CTNNA3: variants seen among roughly 807,000 people sequenced by gnomAD.
CTNNA3 encodes catenin alpha-3.
Under a neutral mutation model 95.7 loss-of-function variants are expected in CTNNA3, and 76 were observed. The observed-to-expected ratio is 0.79, with a 90% CI of 0.66 to 0.96. CTNNA3 has a LOEUF of 0.96. Among genes scored for constraint, CTNNA3 ranks in the 40% least tolerant of loss-of-function variants. The pLI is 0.00. For missense variants in CTNNA3, 1,191 were observed against 1,089.8 expected, an observed-to-expected ratio of 1.09 and a Z score of -1.31; for synonymous variants, 431 against 374.4, an observed-to-expected ratio of 1.15 and a Z score of -1.74.
intron 10 of CTNNA3, among the ~76,000 whole-genome samples, chr10:66,616,786 A>G (rs552596776): frequency 6.6e-6 from 1 of 152,156 alleles, no homozygotes; most frequent in South Asian, 2.1e-4. Context: ...AATCTAGCCT[A>G]TGAATTCAGA....
intron 7 of CTNNA3, among the ~76,000 whole-genome samples, chr10:67,074,355 T>C (rs999304478): frequency 7.5e-6 from 1 of 133,330 alleles, no homozygotes; most frequent in African/African-American, 2.9e-5. Context: ...TTTTTTTTTT[T>C]TTTTTTTTTT....
chr10:67,060,255 C>G (rs1423174897), intron 7 of CTNNA3, among the ~76,000 whole-genome samples: 2 of 152,072 alleles, frequency 1.3e-5, no homozygotes, highest in Non-Finnish European at 2.9e-5. Context: ...GAGGTAGAGG[C>G]TGCAGTGAGC....
intron 5 of CTNNA3, among the ~76,000 whole-genome samples, chr10:67,356,869 A>C (rs1441593410): frequency 6.6e-6 from 1 of 152,002 alleles, no homozygotes; most frequent in Non-Finnish European, 1.5e-5. Context: ...CTTGAACCCA[A>C]ATATCTAAAC....
intron 17 of CTNNA3, among the ~76,000 whole-genome samples, chr10:65,932,630 T>A (rs750657964): frequency 6.6e-6 from 1 of 152,166 alleles, no homozygotes; most frequent in Non-Finnish European, 1.5e-5. Context: ...CTTGTGCTGC[T>A]ACTTTTTTGA....
intron 5 of CTNNA3, among the ~76,000 whole-genome samples, chr10:67,394,068 G>A (rs866866827): frequency 1.5e-4 from 23 of 152,244 alleles, no homozygotes; most frequent in Non-Finnish European, 2.6e-4. Flanking sequence ...CAGCTATAAC[G>A]ATGAGACCAG....
At chr10:67,038,677 C>T (rs1854212954) in intron 7 of CTNNA3, among the ~76,000 whole-genome samples, 1 of 152,004 alleles carries the variant, frequency 6.6e-6, no homozygotes, top group Admixed American at 6.6e-5. Flanking sequence ...ACAAAATTTT[C>T]CTATCAATTC....
At chr10:66,563,049 A>G (rs1842601706) in intron 10 of CTNNA3, among the ~76,000 whole-genome samples, 1 of 152,144 alleles carries the variant, frequency 6.6e-6, no homozygotes, top group South Asian at 2.1e-4. Flanking sequence ...GTGTCAGTGT[A>G]GAACTGTCAC....
chr10:67,397,752 C>T (rs1047056062), intron 5 of CTNNA3, among the ~76,000 whole-genome samples: 12 of 152,320 alleles, frequency 7.9e-5, no homozygotes, highest in South Asian at 6.2e-4. Flanking sequence ...CCCAGGGCCC[C>T]CCTGCTGTAT....
At position 66,466,081 on chromosome 10, in the gene CTNNA3, T is replaced by A. The variant is rs865878371; in HGVS notation, c.1531+54536A>T. Among the ~76,000 whole-genome samples the A allele has an allele frequency of 4.6e-5, 7 of 152,122 alleles. No homozygotes were observed. In the South Asian group the frequency reaches 6.2e-4, roughly 14 times the overall value. On this transcript the variant is annotated intron_variant, in intron 11 of 17. Transcript: ENST00000433211. ...CTTGAGTAAAACAGATAACCCTCCA[T>A]GATGTGAATGAGCCTCATCCAATAA... is the stretch of plus-strand genomic sequence containing the variant.
chr10:66,136,497 CT>C (rs34223799), intron 13 of CTNNA3, among the ~76,000 whole-genome samples: 117 of 148,602 alleles, frequency 7.9e-4, no homozygotes, highest in East Asian at 4.6e-3. Flanking sequence ...AATTTCTTCA[CT>C]TTTTTTTTTT....
At chr10:66,862,106 C>A (rs112016912) in intron 7 of CTNNA3, among the ~76,000 whole-genome samples, 1 of 151,976 alleles carries the variant, frequency 6.6e-6, no homozygotes, top group African/African-American at 2.4e-5. Flanking sequence ...CCCAGCTGCT[C>A]GGGAGGCTGA....
intron 15 of CTNNA3, among the ~76,000 whole-genome samples, chr10:65,993,681 G>A (rs2078590199): frequency 6.6e-6 from 1 of 152,134 alleles, no homozygotes; most frequent in African/African-American, 2.4e-5. Context: ...GTTGGGTCAT[G>A]TGGTCCTTGC....
At chr10:65,935,646 T>C (rs577179083) in intron 17 of CTNNA3, among the ~76,000 whole-genome samples, 10 of 152,306 alleles carry the variant, frequency 6.6e-5, no homozygotes, top group Non-Finnish European at 1.3e-4. Context: ...TATTTTGTCC[T>C]TTGGGTTCAG....
intron 10 of CTNNA3, among the ~76,000 whole-genome samples, chr10:66,571,520 T>C (rs1269488680): frequency 6.6e-6 from 1 of 152,208 alleles, no homozygotes; most frequent in Non-Finnish European, 1.5e-5. Context: ...TGAGCAGTTA[T>C]GGACCTCTGA....
chr10:66,621,759 G>A lies in CTNNA3; in HGVS notation c.1307C>T (p.Ser436Leu). The part of the protein sequence containing the change: ...VEVANLACSM[S>L]TNEDGIKIVK... ...AATTTTAATTCCATCTTCATTTGTT[G>A]ACATGGAACAAGCAAGATTTGCCAC... The change falls in exon 10 of 18, where the codon TCA becomes TTA. Residue 436 changes from serine (S) to leucine (L), a missense_variant. Transcript: ENST00000433211. 6.2e-7 allele frequency: 1 copy of A among 1,610,096 alleles called. No individual in the cohort carries two copies. The highest frequency in any genetic ancestry group is 8.5e-7 in the Non-Finnish European group (1 of 1,178,346).
intron 13 of CTNNA3, among the ~76,000 whole-genome samples, chr10:66,231,797 T>C (rs1165402636): frequency 6.6e-6 from 1 of 152,346 alleles, no homozygotes. Flanking sequence ...GCTTTAGCTG[T>C]ATTTTTAAGA....
At chr10:66,912,419 A>C (rs981591195) in intron 7 of CTNNA3, among the ~76,000 whole-genome samples, 1 of 152,216 alleles carries the variant, frequency 6.6e-6, no homozygotes, top group Admixed American at 6.5e-5. Context: ...TTCTTTTAAA[A>C]GTTTACATAA....
chr10:66,909,811 C>A (rs944651740), intron 7 of CTNNA3, among the ~76,000 whole-genome samples: 1 of 152,092 alleles, frequency 6.6e-6, no homozygotes, highest in African/African-American at 2.4e-5. Context: ...TCCCAGAGAA[C>A]CATAATTATG....
intron 5 of CTNNA3, among the ~76,000 whole-genome samples, chr10:67,436,624 A>G (rs1846310068): frequency 6.6e-6 from 1 of 152,162 alleles, no homozygotes; most frequent in African/African-American, 2.4e-5. Flanking sequence ...ACAAATCAAT[A>G]AGAAAAAAAT....
Sources: gnomAD v4.1 joint callset for allele counts (sites outside exome capture counted in the v4.1 genomes callset) on GRCh38, gnomAD v4.1.1 for gene constraint, MANE v1.5 for transcripts, NCBI Gene and HGNC (gene_info 2026-07-23, HGNC 2026-07-21) for gene names.